The following PKHD1 variants were observed in gnomAD, a reference collection of about 807,000 sequenced individuals.
The protein encoded by PKHD1 is PKHD1 ciliary IPT domain containing fibrocystin/polyductin.
In PKHD1, 291 loss-of-function variants were observed where a neutral mutation model predicts 412.0. The ratio of observed to expected loss-of-function variants is 0.71; its 90% CI spans 0.64 to 0.78. PKHD1 has a LOEUF of 0.78. Ranked by LOEUF, PKHD1 falls within the 30% of genes least tolerant of loss-of-function variation. The probability of loss-of-function intolerance (pLI) is 0.00; values close to 1 mark genes in which losing one functional copy is unlikely to be tolerated. For missense variants in PKHD1, 4,825 were observed against 4,950.7 expected (o/e 0.97, Z 0.76); for synonymous variants, 1,777 against 1,821.5 (o/e 0.98, Z 0.62).
intron 55 of PKHD1, among the ~76,000 whole-genome samples, chr6:51,757,061 C>T (rs1787141324): frequency 6.6e-6 from 1 of 152,152 alleles, no homozygotes; most frequent in Admixed American, 6.6e-5. Flanking sequence ...GGAGCCCAGG[C>T]AGTAATGCTC....
intron 52 of PKHD1, among the ~76,000 whole-genome samples, chr6:51,803,391 T>G (rs994186605): frequency 1.3e-5 from 2 of 152,160 alleles, no homozygotes; most frequent in Non-Finnish European, 2.9e-5. Flanking sequence ...GAATGTTTAT[T>G]CACAATTCTA....
chr6:51,882,225 A>G (rs1777481798), intron 46 of PKHD1, among the ~76,000 whole-genome samples: 1 of 152,176 alleles, frequency 6.6e-6, no homozygotes, highest in African/African-American at 2.4e-5. Context: ...AGGAAGAATC[A>G]TCTCTCAAGG....
At chr6:51,983,758 G>A (rs1456734695) in intron 35 of PKHD1, among the ~76,000 whole-genome samples, 5 of 152,200 alleles carry the variant, frequency 3.3e-5, no homozygotes, top group East Asian at 1.9e-4. Context: ...GAGCTTTGAC[G>A]TTTGAAATTT....
chr6:51,731,929 G>A (rs1204459160), intron 60 of PKHD1, among the ~76,000 whole-genome samples: 1 of 152,052 alleles, frequency 6.6e-6, no homozygotes, highest in Non-Finnish European at 1.5e-5. Flanking sequence ...GTTTATATGT[G>A]ATTCTACTTT....
chr6:51,686,464 T>A (rs1358324123), intron 60 of PKHD1, among the ~76,000 whole-genome samples: 1 of 152,150 alleles, frequency 6.6e-6, no homozygotes, highest in Non-Finnish European at 1.5e-5. Context: ...GGTGTTCCTG[T>A]GGCTCAATCC....
intron 46 of PKHD1, among the ~76,000 whole-genome samples, chr6:51,872,958 A>G (rs1201267712): frequency 6.6e-6 from 1 of 150,498 alleles, no homozygotes; most frequent in Non-Finnish European, 1.5e-5. Context: ...GAAAAGAAGA[A>G]GATGTACGAA....
Position 51,903,645 on chromosome 6 carries a change from C to A in PKHD1, c.6948G>T (p.Met2316Ile). ...SGAEGLSNPE[M>I]LTPSGIYICS... is the part of the protein sequence containing the mutation. ...AGATATAGATGCCAGATGGTGTCAA[C>A]ATTTCAGGATTGGAGAGTCCCTCGG... The change falls in exon 43 of 67, where the codon ATG (methionine) becomes ATT (isoleucine). Residue 2316 changes from methionine to isoleucine, a missense_variant. By Grantham distance (10) the Met-to-Ile change is conservative. Coordinates refer to ENST00000371117, the MANE Select transcript of PKHD1 (RefSeq NM_138694.4). 6.2e-7 allele frequency: 1 copy of A among 1,611,598 alleles called. No individual in the cohort carries two copies. The highest frequency in any genetic ancestry group is 1.1e-5 in the South Asian group (1 of 91,038).
intron 54 of PKHD1, among the ~76,000 whole-genome samples, chr6:51,774,835 C>T (rs1382553060): frequency 1.3e-5 from 2 of 151,758 alleles, no homozygotes; most frequent in African/African-American, 4.8e-5. Context: ...ACCTCCAACA[C>T]AGCAATGCAT....
At chr6:51,663,629 C>T (rs1224187396) in intron 60 of PKHD1, among the ~76,000 whole-genome samples, 1 of 152,056 alleles carries the variant, frequency 6.6e-6, no homozygotes, top group Admixed American at 6.6e-5. Context: ...TATGTAATGT[C>T]CTTTTCAAAA....
intron 52 of PKHD1, among the ~76,000 whole-genome samples, chr6:51,808,261 G>A (rs542660129): frequency 2.6e-5 from 4 of 151,856 alleles, no homozygotes; most frequent in African/African-American, 9.6e-5. Flanking sequence ...TTTAATTTTT[G>A]CATATGCAGC....
At chr6:51,755,147 T>C (rs563053961) in intron 55 of PKHD1, among the ~76,000 whole-genome samples, 158 of 152,262 alleles carry the variant, frequency 1.0e-3, no homozygotes, top group African/African-American at 3.8e-3. Flanking sequence ...AATGTATATG[T>C]TACAGAGACA....
chr6:51,624,378 T>A (rs1766991930), intron 66 of PKHD1, among the ~76,000 whole-genome samples: 2 of 152,232 alleles, frequency 1.3e-5, no homozygotes, highest in East Asian at 1.9e-4. Flanking sequence ...CCAAACATAG[T>A]TTTGCTTTCC....
At chr6:51,726,959 C>A (rs1782652743) in intron 60 of PKHD1, among the ~76,000 whole-genome samples, 1 of 152,152 alleles carries the variant, frequency 6.6e-6, no homozygotes, top group South Asian at 2.1e-4. Flanking sequence ...AAGCAGAGAA[C>A]TTTCTCTGGC....
intron 30 of PKHD1, 71 bp from the exon 31 acceptor site, chr6:52,027,967 C>T (rs911675582): frequency 4.6e-6 from 6 of 1,297,396 alleles, no homozygotes; most frequent in Admixed American, 1.7e-5. Context: ...CCAGAAGAGC[C>T]ATATGTATTT....
At chr6:51,704,280 G>A (rs1028064613) in intron 60 of PKHD1, among the ~76,000 whole-genome samples, 1 of 152,040 alleles carries the variant, frequency 6.6e-6, no homozygotes, top group African/African-American at 2.4e-5. Context: ...ATACTGCAAA[G>A]GAGAGTGGTA....
At chr6:51,900,699 C>T (rs1583278741) in intron 43 of PKHD1, among the ~76,000 whole-genome samples, 2 of 151,400 alleles carry the variant, frequency 1.3e-5, no homozygotes, top group South Asian at 2.1e-4. Flanking sequence ...AGAGCTTCTG[C>T]ACAGCAAAAG....
chr6:51,692,221 C>T (rs553763846), intron 60 of PKHD1, among the ~76,000 whole-genome samples: 18 of 151,038 alleles, frequency 1.2e-4, no homozygotes, highest in Non-Finnish European at 2.2e-4. Flanking sequence ...ATCACTTTTG[C>T]TTCTGGAAAG....
chr6:51,656,551 C>T (rs1484203572), intron 61 of PKHD1, among the ~76,000 whole-genome samples: 1 of 152,034 alleles, frequency 6.6e-6, no homozygotes, highest in Non-Finnish European at 1.5e-5. Context: ...ATCCAGATGC[C>T]TCTAGAGAAA....
intron 41 of PKHD1, among the ~76,000 whole-genome samples, chr6:51,905,241 T>C (rs995505058): frequency 2.0e-5 from 3 of 152,222 alleles, no homozygotes; most frequent in African/African-American, 7.2e-5. Flanking sequence ...ACCCTTTGTT[T>C]CTTAATTCAT....
Sources: gnomAD v4.1 joint callset for allele counts (sites outside exome capture counted in the v4.1 genomes callset) on GRCh38, gnomAD v4.1.1 for gene constraint, MANE v1.5 for transcripts, NCBI Gene and HGNC (gene_info 2026-07-23, HGNC 2026-07-21) for gene names.